EML1: variants seen among roughly 807,000 people sequenced by gnomAD.
EML1 encodes the protein echinoderm microtubule-associated protein-like 1.
EML1 carries 27 observed loss-of-function variants against 110.4 expected under a neutral mutation model. That is an observed-to-expected ratio of 0.24 (90% CI 0.18 to 0.34). The LOEUF is 0.34. Among genes scored for constraint, EML1 ranks in the 10% least tolerant of loss-of-function variants. The probability of loss-of-function intolerance (pLI) is 1.00; values close to 1 mark genes in which losing one functional copy is unlikely to be tolerated. For synonymous variants in EML1, 344 were observed against 385.8 expected (o/e 0.89, Z 1.27); for missense variants, 741 against 1,030.9 (o/e 0.72, Z 3.85).
chr14:99,763,479 G>A (rs562383505), intron 1 of EML1, among the ~76,000 whole-genome samples: 11 of 152,248 alleles, frequency 7.2e-5, no homozygotes, highest in African/African-American at 2.6e-4. Context: ...TTCACAAGGT[G>A]GGGCACTACT....
At chr14:99,807,821 C>T (rs901426455) in intron 1 of EML1, among the ~76,000 whole-genome samples, 3 of 152,272 alleles carry the variant, frequency 2.0e-5, no homozygotes, top group Admixed American at 1.3e-4. Flanking sequence ...GTAAGTGTCA[C>T]CTTAGTGTTG....
rs867787377 is a variant in EML1, at chr14:99,796,678, A to G, written c.67+3135A>G. Among the ~76,000 whole-genome samples the G allele has an allele frequency of 1.9e-3, 199 of 102,544 alleles. 1 individual carries two copies. Among genetic ancestry groups the G allele is most frequent in the African/African-American group, 6.8e-3 (180 of 26,344 alleles). 67.3% of individuals were successfully genotyped at this position (102,544 alleles called of 152,430 possible). On this transcript the variant is annotated intron_variant, in intron 1 of 21. Transcript: ENST00000262233. ...CTCACAAACTTCTTTTAATGCTGGG[A>G]AAAAAAAAAAACCTGAAGTGTTTTA... is the stretch of plus-strand genomic sequence containing the variant.
At chr14:99,924,528 A>C (rs879901395) in intron 17 of EML1, among the ~76,000 whole-genome samples, 8 of 152,258 alleles carry the variant, frequency 5.3e-5, no homozygotes, top group Admixed American at 3.3e-4. Context: ...TATTGTAATA[A>C]GAGTTATGTG....
chr14:99,896,296 G>C (rs1367888032), intron 6 of EML1, among the ~76,000 whole-genome samples: 2 of 151,848 alleles, frequency 1.3e-5, no homozygotes, highest in African/African-American at 4.8e-5. Context: ...TGAGATTATG[G>C]AATCATATTC....
chr14:99,741,392 C>T (rs1481449651), intron 1 of EML1, among the ~76,000 whole-genome samples: 1 of 152,088 alleles, frequency 6.6e-6, no homozygotes, highest in Non-Finnish European at 1.5e-5. Flanking sequence ...TTATCACCTC[C>T]CCCAATGCCC....
Position 99,850,869 on chromosome 14 carries a change from T to G in EML1, c.84T>G (p.Ala28=). 6.2e-7 allele frequency: 1 copy of G among 1,613,824 alleles called. No individual in the cohort carries two copies. The highest frequency in any genetic ancestry group is 1.7e-5 in the Admixed American group (1 of 60,008). Reference sequence around the variant, plus strand: ...TTGGTTTAGATGACAGCGCTTCTGCTGCAAGTAGCATGGAGGTGACAGACC... The same window carrying G: ...TTGGTTTAGATGACAGCGCTTCTGCGGCAAGTAGCATGGAGGTGACAGACC... ...LQFCNDDSAS[A]ASSMEVTDRI... is the part of the protein sequence containing the mutation. The change falls in exon 2 of 22, where the codon GCT becomes GCG. Residue 28 remains alanine, a synonymous_variant. Transcript: ENST00000262233.
chr14:99,937,247 C>T (rs901443162), intron 19 of EML1, among the ~76,000 whole-genome samples: 2 of 152,216 alleles, frequency 1.3e-5, no homozygotes, highest in African/African-American at 4.8e-5. Flanking sequence ...GTCTCACCTC[C>T]TCCCTGTCCA....
At chr14:99,737,933 T>C (rs1014319213) in intron 1 of EML1, 4 of 1,269,632 alleles carry the variant, frequency 3.2e-6, no homozygotes, top group Non-Finnish European at 4.1e-6. Flanking sequence ...CCGAGGGCAC[T>C]GGGGCCCCCG....
At chr14:99,815,142 T>C (rs1347685305) in intron 1 of EML1, among the ~76,000 whole-genome samples, 1 of 137,740 alleles carries the variant, frequency 7.3e-6, no homozygotes, top group Non-Finnish European at 1.5e-5. Flanking sequence ...GGCTTGGCTT[T>C]TTTTTTTTTT....
intron 1 of EML1, among the ~76,000 whole-genome samples, chr14:99,810,580 G>T (rs1048347018): frequency 2.0e-5 from 3 of 152,060 alleles, no homozygotes; most frequent in African/African-American, 7.2e-5. Flanking sequence ...TGCATTATTT[G>T]TTAAGACTCA....
chr14:99,796,232 A>AT (rs2057772148), intron 1 of EML1, among the ~76,000 whole-genome samples: 1 of 101,492 alleles, frequency 9.9e-6, no homozygotes, highest in African/African-American at 3.4e-5. Context: ...GAGAGAGAGA[A>AT]GATAATGTGT....
intron 1 of EML1, among the ~76,000 whole-genome samples, chr14:99,748,577 T>G (rs1399018525): frequency 6.6e-6 from 1 of 152,014 alleles, no homozygotes; most frequent in East Asian, 1.9e-4. Context: ...AAGACCAGCC[T>G]GTGCAACAAG....
At chr14:99,762,516 G>A (rs1403249998) in intron 1 of EML1, among the ~76,000 whole-genome samples, 2 of 152,114 alleles carry the variant, frequency 1.3e-5, no homozygotes, top group Non-Finnish European at 2.9e-5. Flanking sequence ...TAAAGATATC[G>A]ACTGGGTGCA....
intron 1 of EML1, among the ~76,000 whole-genome samples, chr14:99,835,715 G>A (rs1294716075): frequency 6.6e-6 from 1 of 152,176 alleles, no homozygotes; most frequent in Admixed American, 6.5e-5. Flanking sequence ...ATTTGAGTTA[G>A]TATTTGTGAA....
At chr14:99,843,980 T>G (rs1330225360) in intron 1 of EML1, among the ~76,000 whole-genome samples, 3 of 152,184 alleles carry the variant, frequency 2.0e-5, no homozygotes, top group African/African-American at 7.2e-5. Context: ...CATTTTGAAG[T>G]GAGATTTTCT....
At chr14:99,903,858 A>C (rs1241954038) in intron 9 of EML1, among the ~76,000 whole-genome samples, 1 of 147,330 alleles carries the variant, frequency 6.8e-6, no homozygotes, top group African/African-American at 2.5e-5. Context: ...ATTTCAGCTC[A>C]CTGCAACCTC....
In EML1 at chr14:99,881,522, C is replaced by T. The variant is rs1203876406; in HGVS notation, c.518+2903C>T. On this transcript the variant is annotated intron_variant, in intron 4 of 21. Transcript: ENST00000262233. The stretch of plus-strand genomic sequence containing the variant: ...CACAAAATAATAGTGTTTGTGGAGT[C>T]CTAAATATTAACCTTTTCTGAGATA... Among the ~76,000 whole-genome samples the T allele has an allele frequency of 2.0e-5, 3 of 152,154 alleles. No individual in the cohort carries two copies. In the East Asian group the frequency reaches 5.8e-4, roughly 29 times the overall value.
chr14:99,920,391 C>A (rs1202406050), intron 16 of EML1, among the ~76,000 whole-genome samples: 1 of 152,232 alleles, frequency 6.6e-6, no homozygotes, highest in African/African-American at 2.4e-5. Context: ...CATCCTCCTG[C>A]ATGGTCCTGC....
At chr14:99,898,208 T>A in intron 7 of EML1, 25 bp from the exon 8 acceptor site, 1 of 1,565,490 alleles carries the variant, frequency 6.4e-7, no homozygotes, top group Non-Finnish European at 8.7e-7. Context: ...AACATGTAGA[T>A]GTTTTGTAAA....
Sources: allele counts gnomAD v4.1 joint callset (sites outside exome capture counted in the v4.1 genomes callset), GRCh38; gene constraint gnomAD v4.1.1; transcripts MANE v1.5; gene names NCBI Gene and HGNC (gene_info 2026-07-23, HGNC 2026-07-21).